Variants in KCNJ6 observed in about 807,000 individuals in gnomAD.
KCNJ6 encodes potassium inwardly rectifying channel subfamily J member 6.
KCNJ6 carries 9 observed loss-of-function variants against 34.2 expected under a neutral mutation model. The ratio of observed to expected loss-of-function variants is 0.26; its 90% CI spans 0.16 to 0.46. The LOEUF is 0.46. Ranked by LOEUF, KCNJ6 falls within the 20% of genes least tolerant of loss-of-function variation. The pLI, the probability that KCNJ6 is intolerant of heterozygous loss-of-function variation, is 1.00. For synonymous variants in KCNJ6, 196 were observed against 207.1 expected (o/e 0.95, Z 0.46); for missense variants, 236 against 531.3 (o/e 0.44, Z 5.46).
At position 37,715,041 on chromosome 21, in the gene KCNJ6, T is replaced by C. The variant is rs1012582947; in HGVS notation, c.116A>G (p.Asp39Gly). ...QPKLPKQARDDLPRHISRDRT... is the reference protein window; with the variant it reads ...QPKLPKQARDGLPRHISRDRT... Reference sequence around the variant, plus strand: ...ATCTCGGCTGATGTGTCTTGGCAGGTCATCCCTGGCCTGCTTAGGCAACTT... The same window carrying C: ...ATCTCGGCTGATGTGTCTTGGCAGGCCATCCCTGGCCTGCTTAGGCAACTT... Residue 39 changes from aspartate to glycine, a missense_variant, in exon 3 of 4, where the codon GAC becomes GGC. Physicochemically the swap from Asp to Gly is moderately conservative, Grantham distance 94. Transcript: ENST00000609713. 1 of 1,614,004 alleles carries C rather than the reference T, an allele frequency of 6.2e-7. No individual in the cohort carries two copies.
intron 2 of KCNJ6, among the ~76,000 whole-genome samples, chr21:37,822,199 T>G (rs536266290): frequency 6.6e-6 from 1 of 152,300 alleles, no homozygotes; most frequent in Admixed American, 6.5e-5. Context: ...ACAGGTCCCT[T>G]GTCATGCTAG....
At chr21:37,835,571 T>C (rs879804307) in intron 2 of KCNJ6, among the ~76,000 whole-genome samples, 1 of 152,346 alleles carries the variant, frequency 6.6e-6, no homozygotes, top group Non-Finnish European at 1.5e-5. Context: ...CAGACCATGA[T>C]TCAGAGCTTT....
At position 37,624,512 on chromosome 21, in the gene KCNJ6, C is replaced by G. The variant is rs1370057364; in HGVS notation, c.*647G>C. On this transcript the variant is annotated 3_prime_UTR_variant, in exon 4 of 4. Transcript: ENST00000609713. ...GCTTCTTATTTCTAAAGTTATATAT[C>G]TAAACCTACATTAATGATACATCTA... 6.6e-6 allele frequency: 1 copy of G among 151,630 alleles called. No homozygotes were observed. The highest frequency in any genetic ancestry group is 1.5e-5 in the Non-Finnish European group (1 of 67,934). The allele number at this position is 151,630 out of a possible 1,614,324, so 9.4% of individuals were successfully genotyped here.
rs1569438799 is a variant in KCNJ6 at position 37,655,209 on chromosome 21, GT to G, written c.947-29726del. On this transcript the variant is annotated intron_variant, in intron 3 of 3. Transcript: ENST00000609713. ...TGTGTGTGTGTGTGTGTGTGTGTGT[GT>G]GTGTGTGTGTGTGTGAGAGAGAGAG... 5.3e-3 allele frequency among the ~76,000 whole-genome samples: 412 copies of G among 78,464 alleles called. 5 individuals carry two copies. The highest frequency in any genetic ancestry group is 0.015 in the African/African-American group (321 of 21,022). The allele number at this position is 78,464 out of a possible 152,430, so 51.5% of individuals were successfully genotyped here.
chr21:37,688,503 G>A (rs1157741552), intron 3 of KCNJ6, among the ~76,000 whole-genome samples: 1 of 152,118 alleles, frequency 6.6e-6, no homozygotes, highest in Non-Finnish European at 1.5e-5. Flanking sequence ...AGGGAAATCA[G>A]ATCAGTCAGT....
At chr21:37,865,555 A>AT (rs1158404159) in intron 1 of KCNJ6, among the ~76,000 whole-genome samples, 1 of 152,168 alleles carries the variant, frequency 6.6e-6, no homozygotes, top group Non-Finnish European at 1.5e-5. Flanking sequence ...AGAACAAGCA[A>AT]TTTTTTGAGC....
intron 2 of KCNJ6, among the ~76,000 whole-genome samples, chr21:37,733,355 C>G (rs887838431): frequency 2.0e-5 from 3 of 152,174 alleles, no homozygotes; most frequent in Non-Finnish European, 4.4e-5. Flanking sequence ...GAAGAGGAGT[C>G]TGCTCTCTGT....
In KCNJ6 at chr21:37,911,052, C is replaced by T. The variant is rs185897052; in HGVS notation, c.-28+4832G>A. ...ACAGACTCTTCTTTTAATGATGAGA[C>T]CGCTCTTTGAGGAAAATAATTTCAC... On this transcript the variant is annotated intron_variant, in intron 1 of 3. Coordinates refer to ENST00000609713, the MANE Select transcript of KCNJ6 (RefSeq NM_002240.5). 6.3e-4 allele frequency among the ~76,000 whole-genome samples: 94 copies of T among 150,190 alleles called. 1 individual carries two copies. The South Asian group carries it at 0.012, about 20-fold the overall frequency.
intron 3 of KCNJ6, among the ~76,000 whole-genome samples, chr21:37,678,844 A>G (rs1460620581): frequency 1.3e-5 from 2 of 152,210 alleles, no homozygotes; most frequent in African/African-American, 4.8e-5. Context: ...TCCCAGCTCT[A>G]CTGCTTACAT....
At chr21:37,899,612 T>C (rs1176333008) in intron 1 of KCNJ6, among the ~76,000 whole-genome samples, 1 of 152,156 alleles carries the variant, frequency 6.6e-6, no homozygotes, top group East Asian at 1.9e-4. Context: ...TGGACCTTGG[T>C]AGTGTCTGGG....
intron 3 of KCNJ6, among the ~76,000 whole-genome samples, chr21:37,690,798 GA>G (rs2054636292): frequency 1.1e-5 from 1 of 92,036 alleles, no homozygotes; most frequent in African/African-American, 4.4e-5. Flanking sequence ...TTTTTTTTTT[GA>G]GATAGAGTCT....
At chr21:37,647,340 G>T (rs962240804) in intron 3 of KCNJ6, among the ~76,000 whole-genome samples, 1 of 152,106 alleles carries the variant, frequency 6.6e-6, no homozygotes, top group Non-Finnish European at 1.5e-5. Flanking sequence ...GAGTAGGGTC[G>T]GGATGGAGGG....
At position 37,681,370 on chromosome 21, in the gene KCNJ6, G is replaced by A. The variant is rs141898572; in HGVS notation, c.946+32841C>T. Among the ~76,000 whole-genome samples the A allele has an allele frequency of 3.0e-3, 463 of 152,346 alleles. 4 individuals are homozygous for A. Among genetic ancestry groups the A allele is most frequent in the African/African-American group, 0.01 (419 of 41,578 alleles). On this transcript the variant is annotated intron_variant, in intron 3 of 3. Coordinates refer to ENST00000609713, the MANE Select transcript of KCNJ6 (RefSeq NM_002240.5). The stretch of plus-strand genomic sequence containing the variant: ...AATGAAAGATGATCTAGAAATAGTC[G>A]TGGTAATCTGATAACTTGCCAAGTT...
chr21:37,655,698 T>C (rs1012049416), intron 3 of KCNJ6, among the ~76,000 whole-genome samples: 1 of 152,158 alleles, frequency 6.6e-6, no homozygotes, highest in Non-Finnish European at 1.5e-5. Flanking sequence ...CTCAGGGACC[T>C]TCTCTGATTC....
At chr21:37,712,805 C>T (rs1172720209) in intron 3 of KCNJ6, among the ~76,000 whole-genome samples, 1 of 147,480 alleles carries the variant, frequency 6.8e-6, no homozygotes, top group Non-Finnish European at 1.5e-5. Flanking sequence ...ATCTCCCTTC[C>T]TCCTCCCCAC....
chr21:37,905,426 T>C (rs1601525265), intron 1 of KCNJ6, among the ~76,000 whole-genome samples: 2 of 152,300 alleles, frequency 1.3e-5, no homozygotes, highest in Admixed American at 1.3e-4. Flanking sequence ...TACCCCTGCC[T>C]GATCAATCCT....
intron 2 of KCNJ6, among the ~76,000 whole-genome samples, chr21:37,753,421 CA>C (rs1362527485): frequency 6.6e-6 from 1 of 152,160 alleles, no homozygotes; most frequent in Non-Finnish European, 1.5e-5. Context: ...AAACTTCAAC[CA>C]GGCGTAAATT....
chr21:37,817,400 G>C (rs566918862), intron 2 of KCNJ6, among the ~76,000 whole-genome samples: 18 of 152,294 alleles, frequency 1.2e-4, no homozygotes, highest in African/African-American at 4.3e-4. Flanking sequence ...AAAGGCCCCT[G>C]ATGCATACTA....
intron 1 of KCNJ6, among the ~76,000 whole-genome samples, chr21:37,861,526 T>G (rs536212831): frequency 6.5e-4 from 99 of 152,188 alleles, no homozygotes; most frequent in Non-Finnish European, 1.2e-3. Context: ...GACTTCAACA[T>G]ACAAATTTTG....
Sources: allele counts gnomAD v4.1 joint callset (sites outside exome capture counted in the v4.1 genomes callset), GRCh38; gene constraint gnomAD v4.1.1; transcripts MANE v1.5; gene names NCBI Gene and HGNC (gene_info 2026-07-23, HGNC 2026-07-21).